POMZP3: variants seen among roughly 807,000 people sequenced by gnomAD.
POMZP3 encodes the protein POM121 and ZP3 fusion.
POMZP3 carries 10 observed loss-of-function variants against 19.8 expected under a neutral mutation model. The ratio of observed to expected loss-of-function variants is 0.51; its 90% confidence interval spans 0.31 to 0.86. The LOEUF is 0.86. Among genes scored for constraint, POMZP3 ranks in the 40% least tolerant of loss-of-function variants. POMZP3 has a pLI of 0.04. For synonymous variants in POMZP3, 57 were observed against 85.8 expected (o/e 0.66, Z 1.85); for missense variants, 152 against 228.1 (o/e 0.67, Z 2.15).
At chr7:76,623,987 A>ACTT (rs1815715989) in intron 3 of POMZP3, among the ~76,000 whole-genome samples, 1 of 145,044 alleles carries the variant, frequency 6.9e-6, no homozygotes, top group Non-Finnish European at 1.5e-5. Flanking sequence ...AAGGCCAGTA[A>ACTT]GTAGGAGAGA....
chr7:76,611,100 C>T (rs1259964612), intron 6 of POMZP3, among the ~76,000 whole-genome samples: 3 of 143,326 alleles, frequency 2.1e-5, no homozygotes, highest in Non-Finnish European at 4.6e-5. Flanking sequence ...TCTCGAACTC[C>T]TGACCTCAGG....
intron 3 of POMZP3, 63 bp downstream of exon 3, chr7:76,625,459 C>T: frequency 6.2e-7 from 1 of 1,600,036 alleles, no homozygotes; most frequent in South Asian, 1.1e-5. Context: ...ACGGGAATGT[C>T]TACATCTCAT....
Position 76,626,067 on chromosome 7 carries a change from T to C in POMZP3, c.-3A>G. 1 of 1,613,828 alleles carries C rather than the reference T, an allele frequency of 6.2e-7. No homozygotes were observed. Among genetic ancestry groups the C allele is most frequent in the Non-Finnish European group, 8.5e-7 (1 of 1,179,740 alleles). The stretch of plus-strand genomic sequence containing the variant: ...AGAGTCACTGGGCTACACACCATCC[T>C]GGAGTTGCGAGGGGACAGCACAGCC... On this transcript the variant is annotated 5_prime_UTR_variant, in exon 2 of 7. Transcript: ENST00000310842.
chr7:76,619,054 C>CT (rs1815404139), intron 3 of POMZP3, among the ~76,000 whole-genome samples: 1 of 152,148 alleles, frequency 6.6e-6, no homozygotes, highest in Non-Finnish European at 1.5e-5. Flanking sequence ...TCCTAAAGTG[C>CT]TGAGATTACA....
intron 3 of POMZP3, 40 bp downstream of exon 3, chr7:76,625,482 C>G (rs1815825405): frequency 6.2e-7 from 1 of 1,601,284 alleles, no homozygotes; most frequent in Non-Finnish European, 8.6e-7. Flanking sequence ...CATAGGAGTC[C>G]AAGCGGGAAA....
At chr7:76,618,529 G>C in intron 3 of POMZP3, 1 of 582,448 alleles carries the variant, frequency 1.7e-6, no homozygotes, top group Non-Finnish European at 2.9e-6. Flanking sequence ...GCTGAGGCAG[G>C]AGAATCGCTT....
In POMZP3 at chr7:76,625,833, G is replaced by A. The variant is rs1207962801; in HGVS notation, c.66-150C>T. The A allele has an allele frequency of 6.2e-5, 83 of 1,332,022 alleles. No individual in the cohort carries two copies. In the African/African-American group the frequency reaches 1.0e-3, roughly 17 times the overall value. The allele number at this position is 1,332,022 out of a possible 1,614,324, so 82.5% of individuals were successfully genotyped here. On this transcript the variant is annotated intron_variant, in intron 2 of 6. Coordinates refer to ENST00000310842, the MANE Select transcript of POMZP3 (RefSeq NM_012230.5). ...CAAGTAAAGCTACTTTTTCGTTAACGGCAAAAAGTGAAAAACAAACGGTTT... is the reference window on the plus strand; with the variant it reads ...CAAGTAAAGCTACTTTTTCGTTAACAGCAAAAAGTGAAAAACAAACGGTTT...
At chr7:76,623,755 C>T (rs979824818) in intron 3 of POMZP3, among the ~76,000 whole-genome samples, 17 of 151,570 alleles carry the variant, frequency 1.1e-4, no homozygotes, top group Non-Finnish European at 1.9e-4. Flanking sequence ...GAGCCAAGAT[C>T]GTGCCATTTA....
At position 76,626,123 on chromosome 7, in the gene POMZP3, G is replaced by A. The variant is rs6952777; in HGVS notation, c.-59C>T. 333,318 of 1,610,224 alleles carry A rather than the reference G, an allele frequency of 0.21. 35,433 individuals are homozygous for A. The highest frequency in any genetic ancestry group is 0.27 in the South Asian group (24,523 of 90,750). ...GTGATAACCATTCCAGCACACTGTG[G>A]GAAGTACCCCCGGACAGGAATACTG... On this transcript the variant is annotated 5_prime_UTR_variant, in exon 2 of 7. Transcript: ENST00000310842.
intron 2 of POMZP3, 117 bp from the exon 3 acceptor site, chr7:76,625,800 C>A (rs1815855327): frequency 2.1e-6 from 3 of 1,397,438 alleles, no homozygotes; most frequent in South Asian, 1.3e-5. Context: ...CACAACAGTT[C>A]CCCTTAGCAA....
chr7:76,611,064 G>T (rs1370999684), intron 6 of POMZP3, among the ~76,000 whole-genome samples: 1 of 142,550 alleles, frequency 7.0e-6, no homozygotes, highest in African/African-American at 2.7e-5. Context: ...AGTAGAGATG[G>T]GGTTTCTCCA....
At position 76,626,056 on chromosome 7, in the gene POMZP3, A is replaced by G. The variant is rs146760290; in HGVS notation, c.9T>C (p.Cys3=). 1.6e-4 allele frequency: 252 copies of G among 1,613,694 alleles called. No individual in the cohort carries two copies. Among genetic ancestry groups the G allele is most frequent in the Admixed American group, 3.3e-5 (2 of 60,000 alleles). Residue 3 remains cysteine, a synonymous_variant, in exon 2 of 7, where the codon TGT becomes TGC. Transcript: ENST00000310842. MV[C]SPVTLRIAPP... ...GGGCGATCCTCAGAGTCACTGGGCTACACACCATCCTGGAGTTGCGAGGGG... is the reference window on the plus strand; with the variant it reads ...GGGCGATCCTCAGAGTCACTGGGCTGCACACCATCCTGGAGTTGCGAGGGG...
intron 3 of POMZP3, among the ~76,000 whole-genome samples, chr7:76,619,188 C>A (rs1374118830): frequency 1.3e-5 from 2 of 152,022 alleles, no homozygotes; most frequent in Admixed American, 6.6e-5. Flanking sequence ...CACATAAGGT[C>A]GGGAGTTTGG....
intron 4 of POMZP3, among the ~76,000 whole-genome samples, chr7:76,616,276 G>T (rs1279649106): frequency 1.1e-4 from 10 of 93,586 alleles, no homozygotes; most frequent in Non-Finnish European, 2.0e-5. Context: ...GAGTGAGACT[G>T]TCTCAAAAAA....
intron 3 of POMZP3, chr7:76,618,542 A>T (rs1474360414): frequency 5.6e-6 from 3 of 536,506 alleles, no homozygotes; most frequent in Non-Finnish European, 9.8e-6. Flanking sequence ...AATCGCTTGA[A>T]TCTGGGAGGC....
At position 76,623,185 on chromosome 7, in the gene POMZP3, G is replaced by T. The variant is rs1225621277; in HGVS notation, c.227+2337C>A. Among the ~76,000 whole-genome samples, 140 of 147,486 alleles carry T rather than the reference G, an allele frequency of 9.5e-4. 4 individuals are homozygous for T. The highest frequency in any genetic ancestry group is 6.2e-3 in the Admixed American group (92 of 14,834). ...CCGCACCCAGCCCAAATTGATTGTGGTTTTTTTTTTTTATTTCACTTTTCC... is the reference window on the plus strand; with the variant it reads ...CCGCACCCAGCCCAAATTGATTGTGTTTTTTTTTTTTTATTTCACTTTTCC... On this transcript the variant is annotated intron_variant, in intron 3 of 6. Transcript: ENST00000310842.
intron 3 of POMZP3, among the ~76,000 whole-genome samples, chr7:76,621,711 C>T (rs1440856766): frequency 6.6e-6 from 1 of 151,582 alleles, no homozygotes; most frequent in South Asian, 2.1e-4. Flanking sequence ...GAGGCTGAGG[C>T]GGGCGGATCA....
intron 3 of POMZP3, among the ~76,000 whole-genome samples, chr7:76,621,715 C>T (rs57636115): frequency 0.053 from 8,050 of 151,404 alleles, 545 homozygotes; most frequent in African/African-American, 0.18. Context: ...CTGAGGCGGG[C>T]GGATCACGAG....
At chr7:76,619,313 AG>A (rs1815417815) in intron 3 of POMZP3, among the ~76,000 whole-genome samples, 1 of 152,128 alleles carries the variant, frequency 6.6e-6, no homozygotes, top group African/African-American at 2.4e-5. Flanking sequence ...TCCTCAATCC[AG>A]GGGGCAGAGG....
Sources: allele counts gnomAD v4.1 joint callset (sites outside exome capture counted in the v4.1 genomes callset), GRCh38; gene constraint gnomAD v4.1.1; transcripts MANE v1.5; gene names NCBI Gene and HGNC (gene_info 2026-07-23, HGNC 2026-07-21).